SLC22A23: variants seen among roughly 807,000 people sequenced by gnomAD.
SLC22A23 encodes ion transporter protein.
SLC22A23 carries 26 observed loss-of-function variants against 61.0 expected under a neutral mutation model. That is an observed-to-expected ratio of 0.43 (90% confidence interval 0.31 to 0.59). SLC22A23 has a LOEUF of 0.59. Ranked by LOEUF, SLC22A23 falls within the 20% of genes least tolerant of loss-of-function variation. SLC22A23 has a pLI of 0.11. For synonymous variants in SLC22A23, 430 were observed against 413.9 expected (o/e 1.04, Z -0.47); for missense variants, 796 against 934.7 (o/e 0.85, Z 1.94).
intron 1 of SLC22A23, chr6:3,432,325 G>A (rs1263725830): frequency 1.0e-6 from 1 of 985,374 alleles, no homozygotes; most frequent in Non-Finnish European, 1.2e-6. Context: ...CTGGCTGTGA[G>A]ACTTTGAAGA....
intron 3 of SLC22A23, among the ~76,000 whole-genome samples, chr6:3,375,206 G>GA: frequency 6.6e-6 from 1 of 152,268 alleles, no homozygotes; most frequent in African/African-American, 2.4e-5. Flanking sequence ...ACAAGCCTAT[G>GA]AAAAAAATGA....
intron 1 of SLC22A23, among the ~76,000 whole-genome samples, chr6:3,420,485 A>T (rs1770048028): frequency 6.6e-6 from 1 of 152,160 alleles, no homozygotes; most frequent in East Asian, 1.9e-4. Flanking sequence ...GAACATAAAA[A>T]AATTGGAAGC....
At chr6:3,361,840 T>C (rs1480620958) in intron 3 of SLC22A23, among the ~76,000 whole-genome samples, 1 of 152,190 alleles carries the variant, frequency 6.6e-6, no homozygotes, top group Non-Finnish European at 1.5e-5. Flanking sequence ...GGGAAACACG[T>C]GCCGGTTCTC....
rs1758533486 is a variant in SLC22A23, at chr6:3,272,410, A to G, written c.*645T>C. The G allele has an allele frequency of 6.5e-6, 1 of 152,768 alleles. No individual in the cohort carries two copies. Among genetic ancestry groups the G allele is most frequent in the Non-Finnish European group, 1.5e-5 (1 of 68,034 alleles). 9.5% of individuals were successfully genotyped at this position (152,768 alleles called of 1,614,324 possible). ...AAGAGCTTCCAGCATCAAGTACAAA[A>G]GGATGATCCTGAAGGAAAGATGAAG... is the stretch of plus-strand genomic sequence containing the variant. On this transcript the variant is annotated 3_prime_UTR_variant, in exon 10 of 10. Transcript: ENST00000406686.
At chr6:3,433,597 G>A (rs1482350695) in intron 1 of SLC22A23, among the ~76,000 whole-genome samples, 4 of 152,226 alleles carry the variant, frequency 2.6e-5, no homozygotes, top group African/African-American at 9.7e-5. Context: ...GATTGACAAT[G>A]TTCAGCTTAT....
chr6:3,307,935 G>C (rs1762101460), intron 4 of SLC22A23, among the ~76,000 whole-genome samples: 1 of 152,170 alleles, frequency 6.6e-6, no homozygotes, highest in Non-Finnish European at 1.5e-5. Flanking sequence ...TACAGCATGG[G>C]AGAACCTAGA....
At chr6:3,301,983 G>A (rs4959232) in intron 4 of SLC22A23, among the ~76,000 whole-genome samples, 35,332 of 152,150 alleles carry the variant, frequency 0.23, 5,003 homozygotes, top group East Asian at 0.35. Flanking sequence ...CTTCTGTTTC[G>A]TTTTTTTGGG....
In SLC22A23 at chr6:3,297,938, C is replaced by A. The variant is rs191478862; in HGVS notation, c.1210+153G>T. Among the ~76,000 whole-genome samples, 1 of 152,302 alleles carries A rather than the reference C, an allele frequency of 6.6e-6. No individual in the cohort carries two copies. The highest frequency in any genetic ancestry group is 1.5e-5 in the Non-Finnish European group (1 of 68,016). ...AACACCTAGAAAATGGAGAGAATGT[C>A]AAGGTTGCCACATTGCCCTTGTGCA... On this transcript the variant is annotated intron_variant, in intron 5 of 9. Coordinates refer to ENST00000406686, the MANE Select transcript of SLC22A23 (RefSeq NM_015482.2). This position sits in a 1 kb window ranked among gnomAD's most constrained non-coding sequence, Gnocchi z 4.3.
At chr6:3,367,610 C>T (rs1765921204) in intron 3 of SLC22A23, among the ~76,000 whole-genome samples, 2 of 152,182 alleles carry the variant, frequency 1.3e-5, no homozygotes, top group African/African-American at 4.8e-5. Flanking sequence ...CTCATGTTCC[C>T]ATCACAGATG....
intron 3 of SLC22A23, among the ~76,000 whole-genome samples, chr6:3,404,333 T>C (rs1768644543): frequency 6.6e-6 from 1 of 152,240 alleles, no homozygotes. Flanking sequence ...ACTGGGCAGA[T>C]GGGTCTCAGT....
intron 1 of SLC22A23, among the ~76,000 whole-genome samples, chr6:3,429,499 C>T (rs1049783443): frequency 1.4e-5 from 2 of 140,240 alleles, no homozygotes; most frequent in African/African-American, 5.1e-5. Flanking sequence ...TAGCCCAAGC[C>T]GATTAGGAAG....
chr6:3,325,536 G>T (rs1012356161), intron 3 of SLC22A23, among the ~76,000 whole-genome samples: 1 of 152,158 alleles, frequency 6.6e-6, no homozygotes, highest in Non-Finnish European at 1.5e-5. Context: ...CATTTAATTA[G>T]GAAAACAAGA....
In SLC22A23 at chr6:3,272,238, T is replaced by C. The variant is rs533534576; in HGVS notation, c.*817A>G. The C allele has an allele frequency of 7.2e-5, 11 of 152,850 alleles. No individual in the cohort carries two copies. The highest frequency in any genetic ancestry group is 2.6e-4 in the Admixed American group (4 of 15,298). The allele number at this position is 152,850 out of a possible 1,614,324, so 9.5% of individuals were successfully genotyped here. ...AGAGCTGCCTGTGCACGAGGGACTT[T>C]TCTGCTGGAGCCAATCTGGGAGAGG... On this transcript the variant is annotated 3_prime_UTR_variant, in exon 10 of 10. Coordinates refer to ENST00000406686, the MANE Select transcript of SLC22A23 (RefSeq NM_015482.2).
intron 1 of SLC22A23, among the ~76,000 whole-genome samples, chr6:3,443,679 C>T (rs1771733323): frequency 1.3e-5 from 2 of 152,192 alleles, no homozygotes; most frequent in Admixed American, 1.3e-4. Context: ...CCTGTCACAC[C>T]GTTTGAAGGA....
In SLC22A23 at chr6:3,390,228, C is replaced by T. The variant is rs1298703925; in HGVS notation, c.913+19960G>A. 6.6e-6 allele frequency among the ~76,000 whole-genome samples: 1 copy of T among 152,044 alleles called. No individual in the cohort carries two copies. Among genetic ancestry groups the T allele is most frequent in the Non-Finnish European group, 1.5e-5 (1 of 68,010 alleles). On this transcript the variant is annotated intron_variant, in intron 3 of 9. Transcript: ENST00000406686. This position sits in a 1 kb window ranked among gnomAD's most constrained non-coding sequence, Gnocchi z 4.0. ...CAATGACACCGAGGAGGAAAGGTAC[C>T]GAAGAAAGAAAGCAGAACTGCCTGG...
rs145499031 is a variant in SLC22A23 at position 3,385,993 on chromosome 6, G to A, written c.913+24195C>T. Among the ~76,000 whole-genome samples the A allele has an allele frequency of 4.2e-3, 637 of 152,218 alleles. 1 individual carries two copies. Among genetic ancestry groups the A allele is most frequent in the Non-Finnish European group, 8.0e-3 (542 of 68,008 alleles). ...CCAAGATACTGCAACAAACACCCAA[G>A]CCCCGCATTTGAGCAGGACGCTGCC... is the stretch of plus-strand genomic sequence containing the variant. On this transcript the variant is annotated intron_variant, in intron 3 of 9. Transcript: ENST00000406686.
At chr6:3,451,620 G>A (rs964821629) in intron 1 of SLC22A23, among the ~76,000 whole-genome samples, 4 of 152,190 alleles carry the variant, frequency 2.6e-5, no homozygotes, top group Non-Finnish European at 5.9e-5. Flanking sequence ...GGCTGCGCAG[G>A]GAATGCTGGT....
intron 4 of SLC22A23, among the ~76,000 whole-genome samples, chr6:3,315,728 G>A (rs1581677987): frequency 2.6e-5 from 4 of 152,238 alleles, no homozygotes; most frequent in Admixed American, 2.6e-4. Context: ...GCCAGGCGTG[G>A]TGGTGGGCAC....
intron 4 of SLC22A23, among the ~76,000 whole-genome samples, chr6:3,301,218 T>G (rs1484867417): frequency 6.6e-6 from 1 of 152,170 alleles, no homozygotes; most frequent in African/African-American, 2.4e-5. Flanking sequence ...TTTCCATCTT[T>G]CTGATGCGTT....
Sources: gnomAD v4.1 joint callset for allele counts (sites outside exome capture counted in the v4.1 genomes callset) on GRCh38, gnomAD v4.1.1 for gene constraint, Gnocchi (gnomAD v3.1) non-coding constraint, MANE v1.5 for transcripts, NCBI Gene and HGNC (gene_info 2026-07-23, HGNC 2026-07-21) for gene names.